The following NHS variants were observed in gnomAD, a reference collection of about 807,000 sequenced individuals.
NHS encodes the protein NHS actin remodeling regulator, also known as actin remodeling regulator NHS.
A neutral mutation model predicts 72.5 loss-of-function variants in NHS; 5 were observed. That is an observed-to-expected ratio of 0.07 (90% confidence interval 0.04 to 0.14). The LOEUF (loss-of-function observed/expected upper bound fraction) is 0.14. Among genes scored for constraint, NHS ranks in the 10% least tolerant of loss-of-function variants. The pLI is 1.00. For synonymous variants in NHS, 464 were observed against 547.7 expected (o/e 0.85, Z 2.13); for missense variants, 1,072 against 1,355.7 (o/e 0.79, Z 3.29).
intron 1 of NHS, among the ~76,000 whole-genome samples, chrX:17,427,743 A>G (rs761210178): frequency 4.4e-5 from 5 of 113,049 alleles, no homozygotes; most frequent in African/African-American, 1.6e-4. Flanking sequence ...TGTGACCCAC[A>G]TTGGAGGTCT....
chrX:17,727,517 C>A lies in NHS; in HGVS notation c.3411C>A (p.Ile1137=), dbSNP rs1601859345. The A allele has an allele frequency of 1.7e-6, 2 of 1,211,683 alleles. No individual in the cohort carries two copies. Among genetic ancestry groups the A allele is most frequent in the African/African-American group, 1.7e-5 (1 of 57,776 alleles). ...CGTCCCTTGCAATTACACCAACGAT[C>A]CTGAAATCTGTTAACCTTAGGTCCA... The part of the protein sequence containing the change: ...PPPSLAITPT[I]LKSVNLRSIN... The change falls in exon 7 of 9, where the codon ATC becomes ATA. Residue 1137 remains isoleucine (I), a synonymous_variant. Coordinates refer to ENST00000676302, the MANE Select transcript of NHS (RefSeq NM_001291867.2).
chrX:17,417,759 G>T (rs2064603578), intron 1 of NHS, among the ~76,000 whole-genome samples: 1 of 112,263 alleles, frequency 8.9e-6, no homozygotes, highest in South Asian at 3.7e-4. Context: ...GGGCATTAAA[G>T]ACATGTTCAT....
intron 1 of NHS, among the ~76,000 whole-genome samples, chrX:17,585,738 G>A (rs768792840): frequency 9.9e-6 from 1 of 101,245 alleles, no homozygotes. Context: ...AAAAATAATA[G>A]TAATAATAAT....
chrX:17,580,985 A>T (rs980728446), intron 1 of NHS, among the ~76,000 whole-genome samples: 1 of 111,832 alleles, frequency 8.9e-6, no homozygotes, highest in Non-Finnish European at 1.9e-5. Context: ...TGCCTCGTTC[A>T]AATTCCCCTG....
chrX:17,664,514 T>C (rs1353073423), intron 1 of NHS, among the ~76,000 whole-genome samples: 1 of 112,202 alleles, frequency 8.9e-6, no homozygotes, highest in African/African-American at 3.2e-5. Context: ...AGTTCAACTG[T>C]GTATGTGTGG....
chrX:17,393,351 T>C (rs766836968), intron 1 of NHS, among the ~76,000 whole-genome samples: 42 of 112,232 alleles, frequency 3.7e-4, no homozygotes, highest in Non-Finnish European at 9.4e-5. Flanking sequence ...TGATGTTTAA[T>C]AACAAAGTTC....
chrX:17,664,786 A>C (rs2066001868), intron 1 of NHS, among the ~76,000 whole-genome samples: 1 of 111,578 alleles, frequency 9.0e-6, no homozygotes, highest in Non-Finnish European at 1.9e-5. Context: ...ATATGGATGG[A>C]TTTGGAGAGC....
At chrX:17,447,755 CCACA>C (rs745355880) in intron 1 of NHS, among the ~76,000 whole-genome samples, 29 of 93,806 alleles carry the variant, frequency 3.1e-4, no homozygotes, top group Non-Finnish European at 4.2e-4. Flanking sequence ...TGGACTTTGG[CCACA>C]CACACACACA....
chrX:17,437,099 G>A (rs766113472), intron 1 of NHS, among the ~76,000 whole-genome samples: 1 of 111,604 alleles, frequency 9.0e-6, no homozygotes, highest in African/African-American at 3.3e-5. Context: ...TCACACACCC[G>A]GAAAACATGC....
intron 1 of NHS, among the ~76,000 whole-genome samples, chrX:17,543,735 T>C (rs1412163455): frequency 8.9e-6 from 1 of 112,031 alleles, no homozygotes; most frequent in African/African-American, 3.3e-5. Context: ...CCATGTCCTG[T>C]CAATTTCCCC....
At chrX:17,486,886 C>T (rs1330120606) in intron 1 of NHS, among the ~76,000 whole-genome samples, 1 of 111,304 alleles carries the variant, frequency 9.0e-6, no homozygotes, top group Non-Finnish European at 1.9e-5. Context: ...ATCTAACCAC[C>T]ATAGCAACCT....
intron 1 of NHS, among the ~76,000 whole-genome samples, chrX:17,613,413 C>G (rs1008155231): frequency 9.0e-6 from 1 of 111,405 alleles, no homozygotes; most frequent in Non-Finnish European, 1.9e-5. Context: ...CAAGAACAAC[C>G]CTTCCCCCTA....
chrX:17,716,229 A>G (rs758068308), intron 3 of NHS, among the ~76,000 whole-genome samples: 1 of 112,005 alleles, frequency 8.9e-6, no homozygotes, highest in South Asian at 3.7e-4. Context: ...AAACAGATGA[A>G]AAATGAAGTC....
intron 1 of NHS, among the ~76,000 whole-genome samples, chrX:17,569,124 A>T (rs1243290545): frequency 8.9e-6 from 1 of 111,896 alleles, no homozygotes; most frequent in Non-Finnish European, 1.9e-5. Flanking sequence ...TGCAATAAAC[A>T]TACGTGTGCA....
chrX:17,415,872 T>C (rs889584614), intron 1 of NHS, among the ~76,000 whole-genome samples: 2 of 111,892 alleles, frequency 1.8e-5, no homozygotes, highest in Non-Finnish European at 3.8e-5. Flanking sequence ...CATTTCTGTC[T>C]ACTTTTGTTG....
At chrX:17,675,317 C>G (rs1465156185) in intron 1 of NHS, among the ~76,000 whole-genome samples, 1 of 112,476 alleles carries the variant, frequency 8.9e-6, no homozygotes, top group African/African-American at 3.2e-5. Context: ...ATTTTCAGCA[C>G]AAGAGAAAAT....
chrX:17,628,694 C>T (rs1161849697), intron 1 of NHS, among the ~76,000 whole-genome samples: 1 of 113,322 alleles, frequency 8.8e-6, no homozygotes, highest in African/African-American at 3.2e-5. Context: ...TACCATTTAT[C>T]ATTGGGGTAA....
At chrX:17,570,152 G>A (rs2065467821) in intron 1 of NHS, among the ~76,000 whole-genome samples, 2 of 111,891 alleles carry the variant, frequency 1.8e-5, no homozygotes, top group African/African-American at 3.3e-5. Context: ...GGCTATGTGG[G>A]CTCTTTTTTG....
intron 1 of NHS, among the ~76,000 whole-genome samples, chrX:17,567,913 C>A (rs929811303): frequency 1.2e-4 from 13 of 111,304 alleles, no homozygotes; most frequent in African/African-American, 3.6e-4. Context: ...GATTTCAAAA[C>A]GTGAATAAAG....
Sources: allele counts gnomAD v4.1 joint callset (sites outside exome capture counted in the v4.1 genomes callset), GRCh38; gene constraint gnomAD v4.1.1; transcripts MANE v1.5; gene names NCBI Gene and HGNC (gene_info 2026-07-23, HGNC 2026-07-21).